Variants in PRKCA observed in about 807,000 individuals in gnomAD.
The protein encoded by PRKCA is protein kinase C alpha.
Under a neutral mutation model 87.0 loss-of-function variants are expected in PRKCA, and 27 were observed. The observed-to-expected ratio is 0.31, with a 90% confidence interval of 0.23 to 0.43. The LOEUF is 0.43. Ranked by LOEUF, PRKCA falls within the 20% of genes least tolerant of loss-of-function variation. The probability of loss-of-function intolerance (pLI) is 1.00; values close to 1 mark genes in which losing one functional copy is unlikely to be tolerated. For synonymous variants in PRKCA, 329 were observed against 311.1 expected, an observed-to-expected ratio of 1.06 and a Z score of -0.61; for missense variants, 518 against 852.3, an observed-to-expected ratio of 0.61 and a Z score of 4.88.
intron 3 of PRKCA, among the ~76,000 whole-genome samples, chr17:66,512,290 A>C (rs2144177776): frequency 6.6e-6 from 1 of 152,166 alleles, no homozygotes; most frequent in Non-Finnish European, 1.5e-5. Context: ...AAAAATATAA[A>C]AATTAACTGG....
intron 2 of PRKCA, among the ~76,000 whole-genome samples, chr17:66,405,824 GA>G (rs36037539): frequency 6.6e-6 from 1 of 151,826 alleles, no homozygotes; most frequent in African/African-American, 2.4e-5. Flanking sequence ...TTTTTAACTT[GA>G]AAAAGTCAAG....
intron 2 of PRKCA, among the ~76,000 whole-genome samples, chr17:66,461,873 G>T (rs1205147845): frequency 8.3e-6 from 1 of 120,790 alleles, no homozygotes. Context: ...TAACTATCGA[G>T]GAGGAGACTG....
At chr17:66,733,471 TTTGGGGTGGGGAC>T (rs1368525665) in intron 9 of PRKCA, among the ~76,000 whole-genome samples, 1 of 152,182 alleles carries the variant, frequency 6.6e-6, no homozygotes, top group Non-Finnish European at 1.5e-5. Context: ...TTATGTTCAC[TTTGGGGTGGGGAC>T]TTAGCATTAA....
intron 2 of PRKCA, among the ~76,000 whole-genome samples, chr17:66,362,011 A>G (rs1908416564): frequency 6.6e-6 from 1 of 152,020 alleles, no homozygotes; most frequent in Admixed American, 6.6e-5. Flanking sequence ...TGCGTGTTCT[A>G]GAAGGGGTTG....
chr17:66,559,960 C>T (rs529746597), intron 3 of PRKCA, among the ~76,000 whole-genome samples: 1 of 152,298 alleles, frequency 6.6e-6, no homozygotes, highest in African/African-American at 2.4e-5. Flanking sequence ...AAGCACTGAG[C>T]TGTGATCTGG....
At chr17:66,360,121 A>G (rs1908300996) in intron 2 of PRKCA, among the ~76,000 whole-genome samples, 2 of 152,160 alleles carry the variant, frequency 1.3e-5, no homozygotes, top group African/African-American at 2.4e-5. Flanking sequence ...ATTCTTTCAC[A>G]ATAACTTTTC....
intron 5 of PRKCA, among the ~76,000 whole-genome samples, chr17:66,666,074 T>G (rs1567964700): frequency 6.6e-6 from 1 of 152,204 alleles, no homozygotes; most frequent in Non-Finnish European, 1.5e-5. Context: ...ACCATGTGAC[T>G]TGATGAGAGC....
rs2144390448 is a variant in PRKCA at position 66,790,477 on chromosome 17, A to G, written c.1854+1498A>G. Among the ~76,000 whole-genome samples, 3 of 152,106 alleles carry G rather than the reference A, an allele frequency of 2.0e-5. No individual in the cohort carries two copies. In the South Asian group the frequency reaches 6.2e-4, roughly 32 times the overall value. On this transcript the variant is annotated intron_variant, in intron 16 of 16. Transcript: ENST00000413366. ...GGTCTGGAGGTTTTTGGGGGTGGGG[A>G]GAGTGATTAATGGTGCTGCAAGTGG...
At chr17:66,696,146 G>A (rs932511153) in intron 8 of PRKCA, among the ~76,000 whole-genome samples, 2 of 152,196 alleles carry the variant, frequency 1.3e-5, no homozygotes, top group Non-Finnish European at 2.9e-5. Context: ...GGCAGTTTCC[G>A]TGCTGGGCAT....
At chr17:66,684,189 G>A (rs1247874216) in intron 5 of PRKCA, among the ~76,000 whole-genome samples, 2 of 152,320 alleles carry the variant, frequency 1.3e-5, no homozygotes, top group East Asian at 3.9e-4. Context: ...TTCTCCACCA[G>A]TAACTTGTAT....
At chr17:66,367,598 A>G (rs943755693) in intron 2 of PRKCA, among the ~76,000 whole-genome samples, 11 of 152,234 alleles carry the variant, frequency 7.2e-5, no homozygotes, top group African/African-American at 2.7e-4. Flanking sequence ...TCTTGATAGT[A>G]AATGGGGTAA....
intron 5 of PRKCA, among the ~76,000 whole-genome samples, chr17:66,674,269 G>T (rs768952351): frequency 1.3e-4 from 20 of 152,186 alleles, no homozygotes; most frequent in Admixed American, 2.6e-4. Flanking sequence ...TCTTGTGCAA[G>T]GCTAAGGGCT....
At chr17:66,317,820 A>G (rs1054619542) in intron 2 of PRKCA, among the ~76,000 whole-genome samples, 3 of 152,212 alleles carry the variant, frequency 2.0e-5, no homozygotes, top group African/African-American at 7.2e-5. Flanking sequence ...TGTTGAATTC[A>G]TGCATGCAAC....
At chr17:66,790,118 A>G (rs1975495028) in intron 16 of PRKCA, among the ~76,000 whole-genome samples, 2 of 152,242 alleles carry the variant, frequency 1.3e-5, no homozygotes, top group South Asian at 4.1e-4. Flanking sequence ...CCCCATGAGC[A>G]GGCCAGGGGA....
intron 2 of PRKCA, among the ~76,000 whole-genome samples, chr17:66,469,038 C>T (rs879349880): frequency 1.8e-4 from 28 of 152,114 alleles, no homozygotes; most frequent in African/African-American, 4.8e-4. Flanking sequence ...AAGTCTCTGC[C>T]GGGCTCCACT....
chr17:66,611,222 T>G lies in PRKCA; in HGVS notation c.289-30133T>G, dbSNP rs1483481841. ...TCATGTACCCATAAGCTTCACCCATTTAAAGTGTATAGCTCAGTGATTTTT... is the reference window on the plus strand; with the variant it reads ...TCATGTACCCATAAGCTTCACCCATGTAAAGTGTATAGCTCAGTGATTTTT... On this transcript the variant is annotated intron_variant, in intron 3 of 16. Transcript: ENST00000413366. Among the ~76,000 whole-genome samples the G allele has an allele frequency of 2.6e-5, 4 of 152,304 alleles. No individual in the cohort carries two copies. In the East Asian group the frequency reaches 7.7e-4, roughly 29 times the overall value.
At chr17:66,799,427 G>A (rs1568042375) in intron 16 of PRKCA, among the ~76,000 whole-genome samples, 12 of 10,416 alleles carry the variant, frequency 1.2e-3, no homozygotes, top group Admixed American at 2.2e-3. Context: ...GGTGGTGATG[G>A]TGGTGGTGGT....
At chr17:66,409,318 AC>A (rs1911635015) in intron 2 of PRKCA, among the ~76,000 whole-genome samples, 1 of 152,016 alleles carries the variant, frequency 6.6e-6, no homozygotes, top group Admixed American at 6.5e-5. Context: ...ACCATGTCTA[AC>A]TTGTGCCTTC....
intron 3 of PRKCA, among the ~76,000 whole-genome samples, chr17:66,543,789 G>T (rs16959578): frequency 0.04 from 6,151 of 152,292 alleles, 178 homozygotes; most frequent in East Asian, 0.095. Flanking sequence ...ACACCCCAAA[G>T]TTCTGGAACA....
Sources: gnomAD v4.1 joint callset for allele counts (sites outside exome capture counted in the v4.1 genomes callset) on GRCh38, gnomAD v4.1.1 for gene constraint, MANE v1.5 for transcripts, NCBI Gene and HGNC (gene_info 2026-07-23, HGNC 2026-07-21) for gene names.